Variants in IFT122 observed in about 807,000 individuals in gnomAD.
The protein encoded by IFT122 is intraflagellar transport 122, also known as intraflagellar transport protein 122 homolog.
A neutral mutation model predicts 161.6 loss-of-function variants in IFT122; 118 were observed. That is an observed-to-expected ratio of 0.73 (90% CI 0.63 to 0.85). The LOEUF (loss-of-function observed/expected upper bound fraction) is 0.85. IFT122 is among the 40% of genes least tolerant of loss of function. The pLI is 0.00. For synonymous variants in IFT122, 550 were observed against 602.4 expected (o/e 0.91, Z 1.27); for missense variants, 1,381 against 1,579.6 (o/e 0.87, Z 2.13).
At chr3:129,514,187 T>C in intron 24 of IFT122, 1 of 701,200 alleles carries the variant, frequency 1.4e-6, no homozygotes, top group East Asian at 2.7e-5. Flanking sequence ...GCTGTTTTTA[T>C]CTTTGGAAAA....
chr3:129,463,675 A>G (rs1328584806), intron 6 of IFT122, 49 bp downstream of exon 6: 3 of 1,447,462 alleles, frequency 2.1e-6, no homozygotes, highest in South Asian at 1.1e-5. Flanking sequence ...TCTTCCACAC[A>G]GACTCTCAAA....
At chr3:129,497,200 G>A (rs1428219998) in intron 18 of IFT122, among the ~76,000 whole-genome samples, 1 of 152,176 alleles carries the variant, frequency 6.6e-6, no homozygotes, top group East Asian at 1.9e-4. Context: ...CCCCAGAGGT[G>A]GAAGTTGCAG....
At chr3:129,497,680 GT>G (rs1197315839) in intron 18 of IFT122, among the ~76,000 whole-genome samples, 2 of 152,120 alleles carry the variant, frequency 1.3e-5, no homozygotes, top group African/African-American at 4.8e-5. Context: ...TCTGGGACTT[GT>G]TTTTGGTTTT....
At chr3:129,510,263 C>G (rs1196146864) in intron 23 of IFT122, among the ~76,000 whole-genome samples, 1 of 152,214 alleles carries the variant, frequency 6.6e-6, no homozygotes, top group African/African-American at 2.4e-5. Flanking sequence ...GCCCTGCCTT[C>G]CACCTTGGGC....
chr3:129,444,036 G>T (rs1360839318), intron 1 of IFT122, among the ~76,000 whole-genome samples: 2 of 152,202 alleles, frequency 1.3e-5, no homozygotes, highest in African/African-American at 4.8e-5. Flanking sequence ...TGCAGACACT[G>T]CTCCAACATC....
intron 21 of IFT122, 40 bp from the exon 22 acceptor site, chr3:129,506,369 A>G: frequency 6.2e-7 from 1 of 1,609,102 alleles, no homozygotes; most frequent in African/African-American, 1.3e-5. Flanking sequence ...TGACTTCCTA[A>G]ATAGCATGTG....
At position 129,464,726 on chromosome 3, in the gene IFT122, G is replaced by A. The variant is rs2076530920; in HGVS notation, c.508G>A (p.Glu170Lys). 1 of 1,608,104 alleles carries A rather than the reference G, an allele frequency of 6.2e-7. No individual in the cohort carries two copies. Among genetic ancestry groups the A allele is most frequent in the Non-Finnish European group, 8.5e-7 (1 of 1,176,866 alleles). Residue 170 changes from glutamate to lysine, a missense_variant, in exon 7 of 30, where the codon GAG becomes AAG. Glu to Lys is a moderately conservative substitution (Grantham distance 56). This residue lies in a region of IFT122 where 544 missense variants were observed against 648.0 expected (regional missense o/e 0.84). Coordinates refer to ENST00000348417, the MANE Select transcript of IFT122 (RefSeq NM_052989.3). ...NKNGEEKVKI[E>K]RPGGSLSPIW... is the part of the protein sequence containing the mutation. ...AAATGGCGAGGAGAAAGTAAAGATC[G>A]AGCGGCCGGGGGGCTCCCTCTCGCC...
At chr3:129,470,020 G>A (rs1185784685) in intron 9 of IFT122, among the ~76,000 whole-genome samples, 1 of 152,112 alleles carries the variant, frequency 6.6e-6, no homozygotes, top group Non-Finnish European at 1.5e-5. Flanking sequence ...TGGTAGAGAT[G>A]GGAGGTCTTG....
intron 25 of IFT122, chr3:129,514,915 C>T (rs76112337): frequency 0.012 from 4,937 of 415,946 alleles, 191 homozygotes; most frequent in African/African-American, 0.09. Flanking sequence ...TCTGCCCTTT[C>T]TGGAACCAGG....
chr3:129,447,873 G>A (rs1437719732), intron 1 of IFT122, among the ~76,000 whole-genome samples: 1 of 152,200 alleles, frequency 6.6e-6, no homozygotes, highest in African/African-American at 2.4e-5. Flanking sequence ...AATGAGGCAT[G>A]TCAGAGGCCC....
Position 129,519,119 on chromosome 3 carries a change from T to C in IFT122, c.3404T>C (p.Leu1135Pro), listed in dbSNP as rs1251905610. The C allele has an allele frequency of 5.0e-6, 8 of 1,614,058 alleles. No homozygotes were observed. The highest frequency in any genetic ancestry group is 1.7e-5 in the Admixed American group (1 of 60,026). Residue 1135 changes from leucine to proline, a missense_variant, in exon 28 of 30, where the codon CTG becomes CCG. Physicochemically the swap from Leu to Pro is moderately conservative, Grantham distance 98. Around this residue, in one of 7 missense-constraint regions of IFT122, gnomAD observed 177 missense variants for 199.2 expected, o/e 0.89. Transcript: ENST00000348417. ...CAGATCCCTCCAGGCTCCCAGATTC[T>C]GCGGCTAGTGGAGACCAAGGACTCC... The part of the protein sequence containing the change: ...LEIANNSSQI[L>P]RLVETKDSIG...
At position 129,507,750 on chromosome 3, in the gene IFT122, C is replaced by T. The variant is rs2082332698; in HGVS notation, c.2874C>T (p.Ile958=). 2 of 1,613,866 alleles carry T rather than the reference C, an allele frequency of 1.2e-6. No individual in the cohort carries two copies. The highest frequency in any genetic ancestry group is 1.7e-6 in the Non-Finnish European group (2 of 1,179,796). Residue 958 remains isoleucine, a synonymous_variant, in exon 23 of 30, where the codon ATC becomes ATT. Coordinates refer to ENST00000348417, the MANE Select transcript of IFT122 (RefSeq NM_052989.3). ...LAELYHGYHA[I]HRHTEDPFSV... is the part of the protein sequence containing the mutation. ...AGCTGTACCATGGTTACCATGCCAT[C>T]CATCGCCACACGGTAAGGTGGCTGG...
chr3:129,465,479 T>G (rs1353657232), intron 7 of IFT122, among the ~76,000 whole-genome samples: 1 of 142,984 alleles, frequency 7.0e-6, no homozygotes, highest in Non-Finnish European at 1.5e-5. Flanking sequence ...TTTTTTTTTT[T>G]TTTTTTTTTG....
intron 3 of IFT122, among the ~76,000 whole-genome samples, chr3:129,457,363 GC>G (rs2075633376): frequency 1.3e-5 from 2 of 152,304 alleles, no homozygotes; most frequent in South Asian, 4.1e-4. Context: ...CAAGGCCTCT[GC>G]TGTGTCCCTG....
At chr3:129,460,859 G>A in intron 4 of IFT122, 2 of 1,613,096 alleles carry the variant, frequency 1.2e-6, no homozygotes, top group South Asian at 1.1e-5. Flanking sequence ...TCCAGATCTT[G>A]GTCTGTGATG....
chr3:129,516,841 GCA>G (rs144279422), intron 26 of IFT122, among the ~76,000 whole-genome samples: 9 of 79,560 alleles, frequency 1.1e-4, no homozygotes, highest in Non-Finnish European at 1.2e-4. Flanking sequence ...GACTGCCCCT[GCA>G]CACACACACA....
intron 24 of IFT122, chr3:129,513,764 G>T: frequency 5.2e-6 from 1 of 192,898 alleles, no homozygotes. Context: ...CAGGAACACT[G>T]GGAGAGATGC....
intron 1 of IFT122, among the ~76,000 whole-genome samples, chr3:129,441,911 A>AT (rs1304804133): frequency 3.9e-5 from 6 of 152,200 alleles, no homozygotes; most frequent in Admixed American, 1.3e-4. Flanking sequence ...ATGTCAGAGT[A>AT]ATAGAGTGTG....
intron 17 of IFT122, among the ~76,000 whole-genome samples, chr3:129,493,897 C>T (rs1292855660): frequency 6.6e-6 from 1 of 152,112 alleles, no homozygotes; most frequent in Non-Finnish European, 1.5e-5. Flanking sequence ...CTGGGAAGTG[C>T]GTTAAAGTAA....
Sources: allele counts gnomAD v4.1 joint callset (sites outside exome capture counted in the v4.1 genomes callset), GRCh38; gene constraint gnomAD v4.1.1; regional missense constraint gnomAD v4.1.1; transcripts MANE v1.5; gene names NCBI Gene and HGNC (gene_info 2026-07-23, HGNC 2026-07-21).